The following ITGB2 variants were observed in gnomAD, a reference collection of about 807,000 sequenced individuals.
ITGB2 encodes the protein integrin subunit beta 2, also known as integrin beta-2.
A neutral mutation model predicts 86.8 loss-of-function variants in ITGB2; 56 were observed. The observed-to-expected ratio is 0.65, with a 90% CI of 0.52 to 0.81. The LOEUF (loss-of-function observed/expected upper bound fraction) is 0.81. Among genes scored for constraint, ITGB2 ranks in the 30% least tolerant of loss-of-function variants. The pLI, the probability that ITGB2 is intolerant of heterozygous loss-of-function variation, is 0.00. For synonymous variants in ITGB2, 457 were observed against 450.4 expected (o/e 1.01, Z -0.19); for missense variants, 948 against 1,061.2 (o/e 0.89, Z 1.48).
At chr21:44,892,045 G>T in intron 10 of ITGB2, 49 bp from the exon 11 acceptor site, 1 of 1,580,328 alleles carries the variant, frequency 6.3e-7, no homozygotes, top group Admixed American at 1.7e-5. Context: ...GGCCAGGGTG[G>T]CAGCCCAGCT....
chr21:44,915,579 G>A (rs919546412), intron 1 of ITGB2, among the ~76,000 whole-genome samples: 1 of 152,176 alleles, frequency 6.6e-6, no homozygotes, highest in Non-Finnish European at 1.5e-5. Flanking sequence ...GGAACTGAAG[G>A]CTCAAGGGAT....
In ITGB2 at chr21:44,895,125, G is replaced by A. The variant is rs142986953; in HGVS notation, c.994-65C>T. ...TGTGCCACGGCATCTCCACGCACTG[G>A]GCTCACCCCAGGGGCTTCTGCACCT... On this transcript the variant is annotated intron_variant, in intron 8 of 15. Coordinates refer to ENST00000652462, the MANE Select transcript of ITGB2 (RefSeq NM_000211.5). 1.1e-3 allele frequency: 1,336 copies of A among 1,210,746 alleles called. 14 individuals carry two copies. The African/African-American group carries it at 0.018, about 16-fold the overall frequency. The allele number at this position is 1,210,746 out of a possible 1,614,324, so 75.0% of individuals were successfully genotyped here. A position where few individuals can be genotyped will look rare whatever the true frequency, so the allele number is the denominator to read the frequency against.
intron 4 of ITGB2, 30 bp from the exon 5 acceptor site, chr21:44,903,565 A>T (rs1206250507): frequency 6.2e-7 from 1 of 1,613,228 alleles, no homozygotes; most frequent in East Asian, 2.2e-5. Flanking sequence ...AAAAGGAGCC[A>T]CACCTCACAT....
At chr21:44,922,357 G>GA (rs958978456), upstream of ITGB2, among the ~76,000 whole-genome samples, 10 of 151,708 alleles carry the variant, frequency 6.6e-5, no homozygotes, top group Admixed American at 1.3e-4. Flanking sequence ...GTATATACCT[G>GA]AAAAAAAATA....
chr21:44,906,801 C>A, intron 4 of ITGB2, 114 bp downstream of exon 4: 1 of 1,160,002 alleles, frequency 8.6e-7, no homozygotes, highest in East Asian at 2.5e-5. Flanking sequence ...ACCCGTCCGA[C>A]CCGGACACAT....
Position 44,895,028 on chromosome 21 carries a change from C to A in ITGB2, c.1026G>T (p.Val342=), listed in dbSNP as rs142185460. The part of the protein sequence containing the change: ...KLTEIIPKSA[V]GELSEDSSNV... ...TGCTGGAGTCCTCAGACAGCTCCCC[C>A]ACGGCTGACTTGGGGATGATCTCGG... The change falls in exon 9 of 16, where the codon GTG becomes GTT. Residue 342 remains valine, a synonymous_variant. Transcript: ENST00000652462. The A allele has an allele frequency of 3.1e-6, 5 of 1,613,486 alleles. No individual in the cohort carries two copies. Among genetic ancestry groups the A allele is most frequent in the African/African-American group, 1.3e-5 (1 of 74,832 alleles).
chr21:44,886,572 C>T (rs1340773829), intron 15 of ITGB2, 142 bp from the exon 16 acceptor site: 24 of 1,400,608 alleles, frequency 1.7e-5, no homozygotes, highest in East Asian at 4.6e-5. Context: ...GTCCCAGCAC[C>T]GGCAGCCAAG....
intron 9 of ITGB2, chr21:44,893,748 C>A: frequency 1.6e-6 from 1 of 634,430 alleles, no homozygotes; most frequent in Non-Finnish European, 2.8e-6. Context: ...ACAGCCTGAC[C>A]ACAGGGACTA....
chr21:44,900,010 C>T (rs971939853), intron 7 of ITGB2, among the ~76,000 whole-genome samples: 12 of 152,062 alleles, frequency 7.9e-5, no homozygotes, highest in South Asian at 2.1e-4. Flanking sequence ...AGCCTGGGGG[C>T]GGTTACTATA....
At chr21:44,904,544 C>T (rs950771514) in intron 4 of ITGB2, among the ~76,000 whole-genome samples, 6 of 151,888 alleles carry the variant, frequency 4.0e-5, no homozygotes, top group Non-Finnish European at 8.8e-5. Context: ...CATACACACA[C>T]ACCTCACACT....
chr21:44,889,460 G>A lies in ITGB2; in HGVS notation c.1693C>T (p.His565Tyr). 6.3e-7 allele frequency: 1 copy of A among 1,593,194 alleles called. No individual in the cohort carries two copies. Among genetic ancestry groups the A allele is most frequent in the Non-Finnish European group, 8.5e-7 (1 of 1,170,336 alleles). The change falls in exon 13 of 16, where the codon CAC (histidine) becomes TAC (tyrosine). Residue 565 changes from histidine to tyrosine, a missense_variant. Physicochemically the swap from His to Tyr is moderately conservative, Grantham distance 83. Coordinates refer to ENST00000652462, the MANE Select transcript of ITGB2 (RefSeq NM_000211.5). ...CACGCTGAGCCCTCAAAGCCCGGGT[G>A]GCAGCGGCACTTCCCGCAGAAGCAG... ...GLCFCGKCRC[H>Y]PGFEGSACQC...
rs763149142 is a variant in ITGB2 at position 44,901,522 on chromosome 21, C to T, written c.711G>A (p.Leu237=). Residue 237 remains leucine (L), a synonymous_variant, in exon 6 of 16, where the codon CTG becomes CTA. Transcript: ENST00000652462. ...AGGCGGCGACCTGCATCATGGCGTC[C>T]AGCCCACCCTCGGGTGCATCCAGGT... is the stretch of plus-strand genomic sequence containing the variant. The part of the protein sequence containing the change: ...SGNLDAPEGG[L]DAMMQVAACP... 38 of 1,614,116 alleles carry T rather than the reference C, an allele frequency of 2.4e-5. No individual in the cohort carries two copies. In the Admixed American group the frequency reaches 6.0e-4, roughly 25 times the overall value.
chr21:44,901,326 T>C (rs780875279), intron 6 of ITGB2, among the ~76,000 whole-genome samples, 166 bp downstream of exon 6: 6 of 152,234 alleles, frequency 3.9e-5, no homozygotes, highest in Non-Finnish European at 7.3e-5. Flanking sequence ...CCTCCTGCCC[T>C]TTCCTGCATG....
Position 44,901,747 on chromosome 21 carries a change from G to A in ITGB2, c.500-14C>T. ...AGGACCCGAAGCCTGCAGGGCACAT[G>A]GAGGGGCTGGGGAGGTGGCAGGCTG... On this transcript the variant is annotated splice_polypyrimidine_tract_variant and intron_variant, in intron 5 of 15. Coordinates refer to ENST00000652462, the MANE Select transcript of ITGB2 (RefSeq NM_000211.5). The A allele has an allele frequency of 6.2e-7, 1 of 1,603,730 alleles. No individual in the cohort carries two copies. The highest frequency in any genetic ancestry group is 8.5e-7 in the Non-Finnish European group (1 of 1,171,946).
rs753280740 is a variant in ITGB2 at position 44,899,151 on chromosome 21, C to G, written c.909G>C (p.Ser303=). Residue 303 remains serine (S), a synonymous_variant, in exon 8 of 16, where the codon TCG becomes TCC. Coordinates refer to ENST00000652462, the MANE Select transcript of ITGB2 (RefSeq NM_000211.5). ...YKRSNEFDYP[S]VGQLAHKLAE... ...CCAGCTTGTGCGCCAGCTGGCCCAC[C>G]GATGGGTAGTCCTGGAGAGAGGAGG... The G allele has an allele frequency of 6.2e-7, 1 of 1,613,792 alleles. No individual in the cohort carries two copies. The highest frequency in any genetic ancestry group is 8.5e-7 in the Non-Finnish European group (1 of 1,179,730).
intron 8 of ITGB2, among the ~76,000 whole-genome samples, chr21:44,896,334 C>T (rs1215354964): frequency 1.3e-5 from 2 of 152,252 alleles, no homozygotes; most frequent in Admixed American, 1.3e-4. Context: ...GCTCTTGGCA[C>T]TCTACTGAGT....
intron 5 of ITGB2, among the ~76,000 whole-genome samples, chr21:44,902,948 G>T (rs967262476): frequency 2.0e-5 from 3 of 152,248 alleles, no homozygotes; most frequent in Non-Finnish European, 4.4e-5. Flanking sequence ...CTGCTCTGTG[G>T]CAAGGCAGTG....
intron 5 of ITGB2, among the ~76,000 whole-genome samples, chr21:44,902,405 A>G (rs13048495): frequency 5.8e-5 from 8 of 137,690 alleles, no homozygotes; most frequent in African/African-American, 2.2e-4. Context: ...GCATTTGTGC[A>G]TGTGAGCATA....
At chr21:44,908,681 C>T (rs2084082008) in intron 3 of ITGB2, among the ~76,000 whole-genome samples, 1 of 152,226 alleles carries the variant, frequency 6.6e-6, no homozygotes, top group African/African-American at 2.4e-5. Flanking sequence ...GCCCTTCCTT[C>T]TTTAACCGAG....
Sources: gnomAD v4.1 joint callset for allele counts (sites outside exome capture counted in the v4.1 genomes callset) on GRCh38, gnomAD v4.1.1 for gene constraint, MANE v1.5 for transcripts, NCBI Gene and HGNC (gene_info 2026-07-23, HGNC 2026-07-21) for gene names.